SHF: variants seen among roughly 807,000 people sequenced by gnomAD.
SHF encodes SH2 domain-containing adapter protein F.
Under a neutral mutation model 42.4 loss-of-function variants are expected in SHF, and 30 were observed. The ratio of observed to expected loss-of-function variants is 0.71; its 90% CI spans 0.53 to 0.96. The LOEUF (loss-of-function observed/expected upper bound fraction) is 0.96, where lower values mean the gene tolerates loss of function less well. Among genes scored for constraint, SHF ranks in the 40% least tolerant of loss-of-function variants. SHF has a pLI of 0.00. For missense variants in SHF, 598 were observed against 634.0 expected (o/e 0.94, Z 0.61); for synonymous variants, 264 against 269.9 (o/e 0.98, Z 0.21).
At chr15:45,196,551 C>G (rs1898867637) in intron 2 of SHF, among the ~76,000 whole-genome samples, 5 of 152,132 alleles carry the variant, frequency 3.3e-5, no homozygotes, top group Admixed American at 3.3e-4. Flanking sequence ...CATCGAAGCC[C>G]CAAGTCAGTT....
Position 45,171,869 on chromosome 15 carries a change from C to T in SHF, c.1280+14G>A. ...CTGCTTGCTGTCCCTGAAACCACAA[C>T]TGTCCCCACTCACTTGAGGGAGAGG... On this transcript the variant is annotated intron_variant, in intron 6 of 6. Transcript: ENST00000690270. 1 of 1,610,940 alleles carries T rather than the reference C, an allele frequency of 6.2e-7. No homozygotes were observed. The highest frequency in any genetic ancestry group is 2.2e-5 in the East Asian group (1 of 44,816).
At chr15:45,181,196 A>AACTC (rs1898106782) in intron 1 of SHF, 1 of 152,378 alleles carries the variant, frequency 6.6e-6, no homozygotes, top group Non-Finnish European at 1.5e-5. Flanking sequence ...ATGGGCACCC[A>AACTC]GGTGGCAACT....
At chr15:45,193,286 A>G (rs1412385778) in intron 2 of SHF, among the ~76,000 whole-genome samples, 1 of 152,236 alleles carries the variant, frequency 6.6e-6, no homozygotes, top group East Asian at 1.9e-4. Flanking sequence ...GGTCCTGAGG[A>G]CAGGTGCCCA....
intron 6 of SHF, among the ~76,000 whole-genome samples, chr15:45,169,329 C>T (rs1205091836): frequency 5.9e-5 from 9 of 152,180 alleles, no homozygotes; most frequent in African/African-American, 2.2e-4. Context: ...AAAACGGAGG[C>T]CCCAAACTCT....
intron 3 of SHF, among the ~76,000 whole-genome samples, 172 bp downstream of exon 3, chr15:45,175,047 C>T (rs930111756): frequency 5.3e-5 from 8 of 152,056 alleles, no homozygotes; most frequent in African/African-American, 7.2e-5. Context: ...CTGCACACAG[C>T]GCTGTGTCCA....
Position 45,167,904 on chromosome 15 carries a change from A to C in SHF, c.*43T>G. 6.8e-7 allele frequency: 1 copy of C among 1,477,724 alleles called. No individual in the cohort carries two copies. The highest frequency in any genetic ancestry group is 9.1e-7 in the Non-Finnish European group (1 of 1,104,272). The allele number at this position is 1,477,724 out of a possible 1,614,324, so 91.5% of individuals were successfully genotyped here. A position where few individuals can be genotyped will look rare whatever the true frequency, so the allele number is the denominator to read the frequency against. On this transcript the variant is annotated 3_prime_UTR_variant, in exon 7 of 7. Coordinates refer to ENST00000690270, the MANE Select transcript of SHF (RefSeq NM_001394037.1). Reference sequence around the variant, plus strand: ...CACAGCCCTCAGCCAGGTGATGGGCACAGGGCTGGGTACAGGTCTATCACA... The same window carrying C: ...CACAGCCCTCAGCCAGGTGATGGGCCCAGGGCTGGGTACAGGTCTATCACA...
intron 1 of SHF, among the ~76,000 whole-genome samples, chr15:45,179,968 T>C (rs1898038613): frequency 6.6e-6 from 1 of 152,132 alleles, no homozygotes; most frequent in Non-Finnish European, 1.5e-5. Context: ...TCCTTCCACC[T>C]TGCTATTCCC....
At chr15:45,195,360 C>T (rs1898833273) in intron 2 of SHF, among the ~76,000 whole-genome samples, 1 of 152,152 alleles carries the variant, frequency 6.6e-6, no homozygotes, top group African/African-American at 2.4e-5. Flanking sequence ...TACACACTGC[C>T]CAGTTGCTCT....
intron 1 of SHF, among the ~76,000 whole-genome samples, chr15:45,184,860 C>G (rs1201410032): frequency 2.0e-5 from 3 of 152,232 alleles, no homozygotes; most frequent in Admixed American, 2.0e-4. Context: ...TCCTGCTGCT[C>G]CCACACCTGC....
chr15:45,178,097 G>A (rs565195377), intron 2 of SHF, 68 bp downstream of exon 2: 1 of 1,545,316 alleles, frequency 6.5e-7, no homozygotes, highest in East Asian at 2.3e-5. Context: ...CCTTAGACTT[G>A]TGAGTCGCAA....
Position 45,187,560 on chromosome 15 carries a change from G to C in SHF, c.392C>G (p.Pro131Arg). 8.1e-7 allele frequency: 1 copy of C among 1,228,524 alleles called. No individual in the cohort carries two copies. The highest frequency in any genetic ancestry group is 1.0e-6 in the Non-Finnish European group (1 of 985,058). The allele number at this position is 1,228,524 out of a possible 1,614,324, so 76.1% of individuals were successfully genotyped here. ...GCGGTGTGGGGGAGAGCCGTGGCGC[G>C]GGGGCGGCGTGGGTCCGGGGGCGAC... Reference protein sequence around the residue: ...TPVAPGPTPPPRHGSPPHRLI... With the variant: ...TPVAPGPTPPRRHGSPPHRLI... The change falls in exon 1 of 7, where the codon CCG becomes CGG. Residue 131 changes from proline (P) to arginine (R), a missense_variant. Coordinates refer to ENST00000690270, the MANE Select transcript of SHF (RefSeq NM_001394037.1).
At chr15:45,192,557 G>C (rs142641465), upstream of SHF, among the ~76,000 whole-genome samples, 1 of 151,924 alleles carries the variant, frequency 6.6e-6, no homozygotes, top group Non-Finnish European at 1.5e-5. Flanking sequence ...ATTTTCAGTA[G>C]AGATGGGGTT....
At chr15:45,185,496 G>A (rs997788764) in intron 1 of SHF, among the ~76,000 whole-genome samples, 9 of 152,358 alleles carry the variant, frequency 5.9e-5, no homozygotes, top group Non-Finnish European at 1.2e-4. Flanking sequence ...GGCCCAGAGA[G>A]ATAGCATCCC....
At chr15:45,199,662 C>T (rs776505291) in intron 1 of SHF, among the ~76,000 whole-genome samples, 5 of 152,156 alleles carry the variant, frequency 3.3e-5, no homozygotes, top group Non-Finnish European at 5.9e-5. Context: ...AACACGTCCT[C>T]GAGAAGCGCC....
At position 45,200,746 on chromosome 15, in the gene SHF, G is replaced by A. The variant is rs146489512; in HGVS notation, c.-66C>T. 1.8e-3 allele frequency: 826 copies of A among 456,274 alleles called. 5 individuals carry two copies. The highest frequency in any genetic ancestry group is 8.6e-3 in the African/African-American group (433 of 50,190). The allele number at this position is 456,274 out of a possible 1,614,324, so 28.3% of individuals were successfully genotyped here. A position where few individuals can be genotyped will look rare whatever the true frequency, so the allele number is the denominator to read the frequency against. On this transcript the variant is annotated 5_prime_UTR_variant, in exon 1 of 8. Coordinates refer to the SHF transcript ENST00000290894. ...CCTTACCTCGCGCCTCAAGGAAGTT[G>A]TATGGTGGTGGGTCAGAACTGATTT...
intron 1 of SHF, chr15:45,199,163 C>A: frequency 7.2e-7 from 1 of 1,387,006 alleles, no homozygotes; most frequent in Non-Finnish European, 9.6e-7. Context: ...GCAAACGCAT[C>A]TCCCCATGTT....
chr15:45,200,973 C>T (rs769960071), exon 1 of SHF: 2 of 417,138 alleles, frequency 4.8e-6, no homozygotes, highest in Non-Finnish European at 4.8e-6. Flanking sequence ...TCCGTGCGTA[C>T]AGCCAAGAGG....
upstream of SHF, among the ~76,000 whole-genome samples, chr15:45,188,255 C>T (rs1306097079): frequency 6.6e-6 from 1 of 152,170 alleles, no homozygotes; most frequent in Admixed American, 6.5e-5. Context: ...GGGAGCGCAT[C>T]CATCCCCATC....
At chr15:45,169,819 C>T (rs1030030444) in intron 6 of SHF, among the ~76,000 whole-genome samples, 2 of 152,218 alleles carry the variant, frequency 1.3e-5, no homozygotes, top group Non-Finnish European at 2.9e-5. Flanking sequence ...TCCATTAGGA[C>T]ACAGCAAAGC....
Sources: allele counts gnomAD v4.1 joint callset (sites outside exome capture counted in the v4.1 genomes callset), GRCh38; gene constraint gnomAD v4.1.1; transcripts MANE v1.5; gene names NCBI Gene and HGNC (gene_info 2026-07-23, HGNC 2026-07-21).